The following CERKL variants were observed in gnomAD, a reference collection of about 807,000 sequenced individuals.
CERKL encodes CERK like autophagy regulator.
CERKL carries 61 observed loss-of-function variants against 63.4 expected under a neutral mutation model. The observed-to-expected ratio is 0.96, with a 90% CI of 0.78 to 1.19. CERKL has a LOEUF of 1.19. Among genes scored for constraint, CERKL ranks in the 50% most tolerant of loss-of-function variants. The pLI is 0.00. For synonymous variants in CERKL, 250 were observed against 230.5 expected (o/e 1.08, Z -0.77); for missense variants, 675 against 655.5 (o/e 1.03, Z -0.33).
chr2:181,605,077 G>C (rs1214773913), intron 1 of CERKL, among the ~76,000 whole-genome samples: 1 of 152,164 alleles, frequency 6.6e-6, no homozygotes, highest in Admixed American at 6.5e-5. Context: ...CAAGATACGT[G>C]AAACAGTAGT....
rs1384849398 is a variant in CERKL at position 181,616,441 on chromosome 2, T to C, written c.239-12362A>G. On this transcript the variant is annotated intron_variant, in intron 1 of 12. Coordinates refer to ENST00000410087, the MANE Select transcript of CERKL (RefSeq NM_201548.5). Reference sequence around the variant, plus strand: ...GTTAGCCAGGACGGTCTCAATCTCCTGACCTCGTGATCCGCCTGCCTCGGC... The same window carrying C: ...GTTAGCCAGGACGGTCTCAATCTCCCGACCTCGTGATCCGCCTGCCTCGGC... Among the ~76,000 whole-genome samples the C allele has an allele frequency of 3.9e-5, 6 of 152,194 alleles. No individual in the cohort carries two copies. The East Asian group carries it at 1.2e-3, about 29-fold the overall frequency.
At chr2:181,544,621 T>C (rs1325572136) in intron 11 of CERKL, 79 bp downstream of exon 11, 3 of 786,484 alleles carry the variant, frequency 3.8e-6, no homozygotes, top group African/African-American at 3.5e-5. Flanking sequence ...TGAGGCAGGA[T>C]TCGATGTCAA....
chr2:181,651,718 G>C (rs2105547863), intron 1 of CERKL, among the ~76,000 whole-genome samples: 2 of 150,222 alleles, frequency 1.3e-5, no homozygotes, highest in Admixed American at 1.3e-4. Context: ...TTAGAAAGAA[G>C]CATGTCAAAC....
chr2:181,593,627 G>A (rs1685075941), intron 2 of CERKL, among the ~76,000 whole-genome samples: 1 of 151,706 alleles, frequency 6.6e-6, no homozygotes, highest in Non-Finnish European at 1.5e-5. Context: ...GAACAGGAAA[G>A]TTCTGTTCCC....
chr2:181,604,056 A>G lies in CERKL; in HGVS notation c.262T>C (p.Cys88Arg). The G allele has an allele frequency of 2.5e-6, 4 of 1,601,172 alleles. No homozygotes were observed. Among genetic ancestry groups the G allele is most frequent in the Non-Finnish European group, 3.4e-6 (4 of 1,169,386 alleles). Residue 88 changes from cysteine to arginine, a missense_variant, in exon 2 of 13, where the codon TGT becomes CGT. Transcript: ENST00000410087. ...PAGDSKYDLL[C>R]KEEFIELKDI... ...TTGAGTTCAATAAATTCTTCTTTAC[A>G]TAGCAAGTCATACTTAGAATCACCT... is the stretch of plus-strand genomic sequence containing the variant.
intron 1 of CERKL, among the ~76,000 whole-genome samples, chr2:181,613,410 A>C (rs1686058675): frequency 6.6e-6 from 1 of 152,206 alleles, no homozygotes; most frequent in Non-Finnish European, 1.5e-5. Context: ...AGACTGCAGC[A>C]ACCAGGAGGA....
At chr2:181,630,905 T>C (rs1024425689) in intron 1 of CERKL, among the ~76,000 whole-genome samples, 3 of 152,262 alleles carry the variant, frequency 2.0e-5, no homozygotes, top group African/African-American at 7.2e-5. Flanking sequence ...AAACTGATTG[T>C]ATCTTTTTTC....
At chr2:181,640,313 T>C (rs1574058154) in intron 1 of CERKL, among the ~76,000 whole-genome samples, 2 of 152,296 alleles carry the variant, frequency 1.3e-5, no homozygotes, top group East Asian at 3.9e-4. Flanking sequence ...TTCCTTCCTG[T>C]TGCTCACCAC....
chr2:181,656,773 C>G lies in CERKL; in HGVS notation c.234G>C (p.Pro78=), dbSNP rs947268103. 3 of 1,591,476 alleles carry G rather than the reference C, an allele frequency of 1.9e-6. No homozygotes were observed. Among genetic ancestry groups the G allele is most frequent in the Non-Finnish European group, 2.6e-6 (3 of 1,168,434 alleles). Residue 78 remains proline, a synonymous_variant, in exon 1 of 13, where the codon CCG becomes CCC. Coordinates refer to ENST00000410087, the MANE Select transcript of CERKL (RefSeq NM_201548.5). ...CGCTTGGGGCCGGGCACTCACCCGC[C>G]GGGCGCTCGGGCTGAATGGGCCGCC... is the stretch of plus-strand genomic sequence containing the variant. ...LRWRPIQPER[P]AGDSKYDLLC...
chr2:181,576,978 G>C (rs1684257096), intron 2 of CERKL, among the ~76,000 whole-genome samples: 1 of 152,172 alleles, frequency 6.6e-6, no homozygotes, highest in South Asian at 2.1e-4. Context: ...TAAGGAACTG[G>C]CATATTCATC....
chr2:181,618,301 A>G (rs1329786862), intron 1 of CERKL, among the ~76,000 whole-genome samples: 2 of 152,148 alleles, frequency 1.3e-5, no homozygotes, highest in Admixed American at 6.5e-5. Flanking sequence ...GAGATTTGAA[A>G]AAATTTAAAA....
chr2:181,620,527 T>C (rs950890911), intron 1 of CERKL, among the ~76,000 whole-genome samples: 3 of 152,210 alleles, frequency 2.0e-5, no homozygotes, highest in African/African-American at 7.2e-5. Flanking sequence ...AGAACAACTG[T>C]TGAAAGTTCA....
chr2:181,584,485 C>T (rs1684673499), intron 2 of CERKL, among the ~76,000 whole-genome samples: 1 of 151,802 alleles, frequency 6.6e-6, no homozygotes, highest in Admixed American at 6.6e-5. Flanking sequence ...GCACTCCAGC[C>T]TGGACAACAG....
In CERKL at chr2:181,537,760, A is replaced by G; in HGVS notation, c.*424T>C. Reference sequence around the variant, plus strand: ...ATTGTAAAAAAAAGAATTTGAATTGATATCTAAAAACAGAATTTGAATTGA... The same window carrying G: ...ATTGTAAAAAAAAGAATTTGAATTGGTATCTAAAAACAGAATTTGAATTGA... On this transcript the variant is annotated 3_prime_UTR_variant, in exon 13 of 13. Transcript: ENST00000410087. The G allele has an allele frequency of 2.2e-6, 1 of 446,522 alleles. No homozygotes were observed. Among genetic ancestry groups the G allele is most frequent in the African/African-American group, 2.0e-5 (1 of 49,634 alleles). 27.7% of individuals were successfully genotyped at this position (446,522 alleles called of 1,614,324 possible). A position where few individuals can be genotyped will look rare whatever the true frequency, so the allele number is the denominator to read the frequency against.
At chr2:181,614,985 T>C (rs113640005) in intron 1 of CERKL, among the ~76,000 whole-genome samples, 342 of 152,328 alleles carry the variant, frequency 2.2e-3, no homozygotes, top group African/African-American at 7.6e-3. Context: ...TGGCGGCATG[T>C]GGTTTATTAT....
At chr2:181,602,637 C>T (rs953432248) in intron 2 of CERKL, among the ~76,000 whole-genome samples, 4 of 152,168 alleles carry the variant, frequency 2.6e-5, no homozygotes, top group Non-Finnish European at 5.9e-5. Flanking sequence ...CAGCTCATCT[C>T]GCATGAGCAT....
At chr2:181,599,167 T>C (rs1354581958) in intron 2 of CERKL, among the ~76,000 whole-genome samples, 2 of 152,074 alleles carry the variant, frequency 1.3e-5, no homozygotes, top group African/African-American at 4.8e-5. Flanking sequence ...ATATGAAACA[T>C]GAGATAGCCA....
At position 181,603,870 on chromosome 2, in the gene CERKL, T is replaced by A. The variant is rs747750656; in HGVS notation, c.448A>T (p.Ile150Leu). Residue 150 changes from isoleucine (I) to leucine (L), a missense_variant, in exon 2 of 13, where the codon ATA becomes TTA. Physicochemically the swap from Ile to Leu is conservative, Grantham distance 5. Transcript: ENST00000410087. ...ATTTTCTTGAACTGTCTAAACCATA[T>A]GTCACAGTGGTCTTCACTTAAATTA... ...LINLSEDHCD[I>L]WFRQFKKILA... 1.7e-5 allele frequency: 28 copies of A among 1,613,234 alleles called. No individual in the cohort carries two copies. The highest frequency in any genetic ancestry group is 2.3e-5 in the Non-Finnish European group (27 of 1,179,504).
rs748075348 is a variant in CERKL at position 181,573,761 on chromosome 2, T to A, written c.605A>T (p.Asp202Val). The A allele has an allele frequency of 1.2e-6, 2 of 1,612,084 alleles. No individual in the cohort carries two copies. The highest frequency in any genetic ancestry group is 1.3e-5 in the African/African-American group (1 of 74,882). The change falls in exon 3 of 13, where the codon GAT (aspartate) becomes GTT (valine). Residue 202 changes from aspartate to valine, a missense_variant. Physicochemically the swap from Asp to Val is radical, Grantham distance 152 (BLOSUM62 -3). Transcript: ENST00000410087. ...TTCTGAAAATTACTTACTTGTTACA[T>A]CAGTTTTTATTCCTGCAAGCTTCAA... Reference protein sequence around the residue: ...PLLKLAGIKTDVTIMEYEGHA... With the variant: ...PLLKLAGIKTVVTIMEYEGHA...
Sources: allele counts gnomAD v4.1 joint callset (sites outside exome capture counted in the v4.1 genomes callset), GRCh38; gene constraint gnomAD v4.1.1; transcripts MANE v1.5; gene names NCBI Gene and HGNC (gene_info 2026-07-23, HGNC 2026-07-21).